KANSL1: variants seen among roughly 807,000 people sequenced by gnomAD.
KANSL1 encodes MLL1/MLL complex subunit KANSL1.
A neutral mutation model predicts 103.6 loss-of-function variants in KANSL1; 22 were observed. The ratio of observed to expected loss-of-function variants is 0.21; its 90% CI spans 0.15 to 0.30. KANSL1 has a LOEUF of 0.30. Among genes scored for constraint, KANSL1 ranks in the 10% least tolerant of loss-of-function variants. KANSL1 has a pLI of 1.00. For missense variants in KANSL1, 1,337 were observed against 1,399.8 expected (o/e 0.96, Z 0.72); for synonymous variants, 600 against 527.6 (o/e 1.14, Z -1.88).
At position 46,171,334 on chromosome 17, in the gene KANSL1, CAG is replaced by C. The variant is rs551541795; in HGVS notation, c.808_809del (p.Leu270ValfsTer11). 26 of 1,614,018 alleles carry C rather than the reference CAG, an allele frequency of 1.6e-5. No homozygotes were observed. Among genetic ancestry groups the C allele is most frequent in the South Asian group, 4.4e-5 (4 of 91,094 alleles). ...CTAAAGCACTGAAAAGAATGGAAGA[CAG>C]GGGAGACTTTTTACCCTCCAATTTG... ...GVKLEGKKSP[L>X]SSILFSALDS... is the part of the protein sequence containing the mutation. On this transcript the variant is annotated frameshift_variant, in exon 2 of 15. Transcript: ENST00000432791. LOFTEE classifies it high-confidence loss of function.
intron 1 of KANSL1, among the ~76,000 whole-genome samples, chr17:46,207,865 C>T (rs1401898308): frequency 6.6e-6 from 1 of 152,154 alleles, no homozygotes; most frequent in African/African-American, 2.4e-5. Flanking sequence ...AATCCCAGCA[C>T]TTTGGGAGGC....
At chr17:46,064,053 TAAAAA>T (rs58111244) in intron 6 of KANSL1, among the ~76,000 whole-genome samples, 10 of 105,750 alleles carry the variant, frequency 9.5e-5, no homozygotes, top group Non-Finnish European at 1.3e-4. Context: ...CGACTATTAG[TAAAAA>T]AAAAAAAAAA....
intron 13 of KANSL1, 137 bp downstream of exon 13, chr17:46,032,943 G>A: frequency 1.5e-6 from 1 of 647,856 alleles, no homozygotes. Flanking sequence ...AGGAAATTCT[G>A]AGCTATTTGC....
intron 1 of KANSL1, among the ~76,000 whole-genome samples, chr17:46,215,829 T>A (rs1233545651): frequency 6.6e-6 from 1 of 152,034 alleles, no homozygotes; most frequent in Non-Finnish European, 1.5e-5. Context: ...TCACCTGAGG[T>A]CAGGAGTTCA....
chr17:46,190,623 C>T (rs2047269123), intron 1 of KANSL1, among the ~76,000 whole-genome samples: 1 of 152,244 alleles, frequency 6.6e-6, no homozygotes, highest in Non-Finnish European at 1.5e-5. Context: ...AGGTGGCCAT[C>T]AGTGACAACC....
intron 2 of KANSL1, among the ~76,000 whole-genome samples, chr17:46,161,587 A>T (rs986184523): frequency 6.6e-6 from 1 of 152,256 alleles, no homozygotes; most frequent in Admixed American, 6.5e-5. Context: ...GTACCTGAGA[A>T]ACAAACCGGA....
At chr17:46,073,930 T>C (rs569316083) in intron 4 of KANSL1, among the ~76,000 whole-genome samples, 35 of 152,234 alleles carry the variant, frequency 2.3e-4, no homozygotes, top group African/African-American at 7.7e-4. Flanking sequence ...GGCTGCTGTG[T>C]TGAACTGGTA....
intron 2 of KANSL1, among the ~76,000 whole-genome samples, chr17:46,126,739 G>A (rs190813308): frequency 6.6e-6 from 1 of 152,250 alleles, no homozygotes; most frequent in Non-Finnish European, 1.5e-5. Context: ...CATAAGAAAT[G>A]TCACTGTGAC....
intron 3 of KANSL1, among the ~76,000 whole-genome samples, chr17:46,085,940 CTAA>C (rs1390200611): frequency 3.9e-5 from 6 of 152,152 alleles, no homozygotes; most frequent in Admixed American, 2.0e-4. Context: ...TAATTGTTAA[CTAA>C]TGTTAGTTTA....
At chr17:46,035,604 T>G (rs918544714) in intron 10 of KANSL1, 1 of 152,226 alleles carries the variant, frequency 6.6e-6, no homozygotes, top group Non-Finnish European at 1.5e-5. Context: ...GCCTGAGTTC[T>G]GTAGCTGAGG....
In KANSL1 at chr17:46,171,244, T is replaced by A; in HGVS notation, c.900A>T (p.Arg300Ser). 6.2e-7 allele frequency: 1 copy of A among 1,614,126 alleles called. No individual in the cohort carries two copies. The highest frequency in any genetic ancestry group is 8.5e-7 in the Non-Finnish European group (1 of 1,180,044). Residue 300 changes from arginine to serine, a missense_variant, in exon 2 of 15, where the codon AGA becomes AGT. By Grantham distance (110) the Arg-to-Ser change is moderately radical (BLOSUM62 -1). Around this residue, in one of 2 missense-constraint regions of KANSL1, gnomAD observed 557 missense variants for 476.4 expected, o/e 1.17. Coordinates refer to ENST00000432791, the MANE Select transcript of KANSL1 (RefSeq NM_015443.4). ...GCACAACCTGTAAGCGCTTTTGTAA[T>A]CTGCGGGCACGGCTCTCAATGTCAG... ...RQADIESRARRLQKRLQVVQA... is the reference protein window; with the variant it reads ...RQADIESRARSLQKRLQVVQA...
chr17:46,097,979 C>T (rs1438556400), intron 2 of KANSL1, among the ~76,000 whole-genome samples: 1 of 149,544 alleles, frequency 6.7e-6, no homozygotes, highest in Non-Finnish European at 1.5e-5. Flanking sequence ...TCAATTATGT[C>T]TCTTCTTTTA....
chr17:46,050,453 T>A, intron 7 of KANSL1, 80 bp downstream of exon 7: 2 of 1,400,884 alleles, frequency 1.4e-6, no homozygotes, highest in South Asian at 2.7e-5. Flanking sequence ...GAGTTGTAAC[T>A]GCACCTTGGC....
intron 2 of KANSL1, among the ~76,000 whole-genome samples, chr17:46,101,754 C>T (rs1190021975): frequency 2.1e-5 from 2 of 93,656 alleles, no homozygotes; most frequent in East Asian, 4.6e-4. Context: ...ACTCTGTCTA[C>T]AAAAAAAAAA....
intron 6 of KANSL1, among the ~76,000 whole-genome samples, chr17:46,054,646 G>A (rs900726744): frequency 9.9e-5 from 15 of 152,064 alleles, no homozygotes; most frequent in South Asian, 2.1e-4. Flanking sequence ...AGTATTTGTC[G>A]CCTCTATCCC....
At chr17:46,161,094 T>A (rs1180775972) in intron 2 of KANSL1, among the ~76,000 whole-genome samples, 1 of 152,054 alleles carries the variant, frequency 6.6e-6, no homozygotes, top group African/African-American at 2.4e-5. Flanking sequence ...CTCAACTCTG[T>A]TGTCTGCTTA....
At chr17:46,074,422 T>C (rs1004217018) in intron 4 of KANSL1, among the ~76,000 whole-genome samples, 1 of 152,092 alleles carries the variant, frequency 6.6e-6, no homozygotes, top group African/African-American at 2.4e-5. Context: ...TTAATGCAGG[T>C]AGGAAGTAGA....
At chr17:46,163,736 C>A (rs1249869755) in intron 2 of KANSL1, among the ~76,000 whole-genome samples, 2 of 152,256 alleles carry the variant, frequency 1.3e-5, no homozygotes, top group African/African-American at 4.8e-5. Context: ...ATTGCCCCCA[C>A]ACATCACAGT....
intron 2 of KANSL1, among the ~76,000 whole-genome samples, chr17:46,111,927 G>A (rs991668489): frequency 2.6e-5 from 4 of 152,156 alleles, no homozygotes; most frequent in Admixed American, 2.6e-4. Context: ...CATGCTCTCT[G>A]ATCCACTTTT....
Sources: allele counts gnomAD v4.1 joint callset (sites outside exome capture counted in the v4.1 genomes callset), GRCh38; gene constraint gnomAD v4.1.1; regional missense constraint gnomAD v4.1.1; transcripts MANE v1.5; gene names NCBI Gene and HGNC (gene_info 2026-07-23, HGNC 2026-07-21).